Variants in CNOT2 observed in about 807,000 individuals in gnomAD.
The protein encoded by CNOT2 is CCR4-NOT transcription complex subunit 2.
CNOT2 carries 7 observed loss-of-function variants against 72.1 expected under a neutral mutation model. The observed-to-expected ratio is 0.10, with a 90% CI of 0.06 to 0.18. The LOEUF is 0.18. Among genes scored for constraint, CNOT2 ranks in the 10% least tolerant of loss-of-function variants. The pLI is 1.00. For missense variants in CNOT2, 345 were observed against 660.3 expected (o/e 0.52, Z 5.23); for synonymous variants, 196 against 225.6 (o/e 0.87, Z 1.17).
intron 3 of CNOT2, among the ~76,000 whole-genome samples, chr12:70,311,975 A>T (rs1257816847): frequency 6.6e-6 from 1 of 151,872 alleles, no homozygotes; most frequent in African/African-American, 2.4e-5. Context: ...AGCTTAACCT[A>T]CTAGGTTTAT....
At chr12:70,265,320 C>CTTCTCTTCTCTT (rs1555188208) in intron 1 of CNOT2, among the ~76,000 whole-genome samples, 3 of 145,664 alleles carry the variant, frequency 2.1e-5, no homozygotes, top group African/African-American at 7.5e-5. Context: ...CTTCTCTTCT[C>CTTCTCTTCTCTT]TTCTCTTTCT....
rs371846304 is a variant in CNOT2 at position 70,327,235 on chromosome 12, G to A, written c.239-2188G>A. The stretch of plus-strand genomic sequence containing the variant: ...GAAAAGTAAAGGAAAAGTAGAACAA[G>A]AAGAAAGAAAACTGATAGGTATGAC... On this transcript the variant is annotated intron_variant, in intron 4 of 15. Transcript: ENST00000229195. 4.6e-5 allele frequency among the ~76,000 whole-genome samples: 7 copies of A among 151,810 alleles called. No homozygotes were observed. In the South Asian group the frequency reaches 8.3e-4, roughly 18 times the overall value.
intron 1 of CNOT2, among the ~76,000 whole-genome samples, chr12:70,272,484 A>G (rs530009336): frequency 6.6e-6 from 1 of 152,358 alleles, no homozygotes; most frequent in East Asian, 1.9e-4. Context: ...ACACAAAGAA[A>G]GGCAATATGG....
chr12:70,297,445 C>T (rs568373264), intron 2 of CNOT2, among the ~76,000 whole-genome samples: 1 of 152,296 alleles, frequency 6.6e-6, no homozygotes, highest in African/African-American at 2.4e-5. Flanking sequence ...AGCAGTAAAA[C>T]TCCTCCCTAC....
chr12:70,320,524 C>T (rs554933183), intron 4 of CNOT2, among the ~76,000 whole-genome samples: 208 of 151,640 alleles, frequency 1.4e-3, no homozygotes, highest in Admixed American at 3.2e-3. Flanking sequence ...AACCAAGAAA[C>T]GTATTTCCAA....
chr12:70,289,945 G>C (rs964639258), intron 2 of CNOT2, among the ~76,000 whole-genome samples: 2 of 151,848 alleles, frequency 1.3e-5, no homozygotes, highest in African/African-American at 4.8e-5. Context: ...TATAATGTTT[G>C]TATTTCTGTT....
intron 1 of CNOT2, 49 bp from the exon 2 acceptor site, chr12:70,278,083 A>G: frequency 3.7e-6 from 2 of 546,898 alleles, no homozygotes; most frequent in Non-Finnish European, 6.7e-6. Context: ...TGCTGTTGAT[A>G]TATTTACATG....
intron 2 of CNOT2, among the ~76,000 whole-genome samples, chr12:70,308,584 T>TCTCTCTCTCTCTCTCTCTCACACA (rs550679130): frequency 4.5e-5 from 6 of 133,326 alleles, no homozygotes; most frequent in African/African-American, 1.7e-4. Flanking sequence ...TCTCTCTCTC[T>TCTCTCTCTCTCTCTCTCTCACACA]CACACACACA....
chr12:70,251,341 A>G (rs1416307254), intron 1 of CNOT2, among the ~76,000 whole-genome samples: 1 of 152,038 alleles, frequency 6.6e-6, no homozygotes, highest in African/African-American at 2.4e-5. Flanking sequence ...TTTGTAGTTA[A>G]CTAGGTGGGG....
chr12:70,335,634 G>A, intron 8 of CNOT2, 71 bp downstream of exon 8: 2 of 1,138,928 alleles, frequency 1.8e-6, no homozygotes, highest in Non-Finnish European at 2.6e-6. Flanking sequence ...ACATTTACAT[G>A]TACGTATACA....
At chr12:70,330,161 A>G (rs1002800475) in intron 5 of CNOT2, 126 bp from the exon 6 acceptor site, 39 of 513,246 alleles carry the variant, frequency 7.6e-5, no homozygotes, top group Non-Finnish European at 1.3e-4. Flanking sequence ...TAAAGAATTA[A>G]TAAAAATTAG....
At chr12:70,298,673 T>G (rs897837256) in intron 2 of CNOT2, among the ~76,000 whole-genome samples, 1 of 151,506 alleles carries the variant, frequency 6.6e-6, no homozygotes, top group Non-Finnish European at 1.5e-5. Context: ...GTGTGAAAGT[T>G]TCAAAGAATG....
chr12:70,330,577 T>A, intron 6 of CNOT2, 108 bp downstream of exon 6: 1 of 598,194 alleles, frequency 1.7e-6, no homozygotes, highest in Non-Finnish European at 2.9e-6. Context: ...CTAATAAGTG[T>A]GTTTCATCAT....
At chr12:70,346,372 G>A (rs762464480) in intron 15 of CNOT2, 48 bp downstream of exon 15, 2 of 1,492,018 alleles carry the variant, frequency 1.3e-6, no homozygotes, top group African/African-American at 2.8e-5. Flanking sequence ...CTTGAAAAAA[G>A]AAGTGTCCTC....
intron 2 of CNOT2, among the ~76,000 whole-genome samples, chr12:70,278,901 G>C (rs1392339518): frequency 6.6e-6 from 1 of 152,090 alleles, no homozygotes; most frequent in Non-Finnish European, 1.5e-5. Flanking sequence ...AAAAGAAGGT[G>C]AATTTTAAAG....
chr12:70,246,741 CT>C (rs1957893257), intron 1 of CNOT2, among the ~76,000 whole-genome samples: 1 of 152,100 alleles, frequency 6.6e-6, no homozygotes, highest in African/African-American at 2.4e-5. Flanking sequence ...GTTTGACATC[CT>C]TTGATTTCTA....
chr12:70,325,434 T>TA (rs895983396), intron 4 of CNOT2, among the ~76,000 whole-genome samples: 2 of 151,762 alleles, frequency 1.3e-5, no homozygotes, highest in Non-Finnish European at 1.5e-5. Context: ...TAACTACCAT[T>TA]AAAAAATGGA....
chr12:70,330,561 TTC>T (rs2136025391), intron 6 of CNOT2, 92 bp downstream of exon 6: 1 of 756,664 alleles, frequency 1.3e-6, no homozygotes, highest in South Asian at 2.2e-5. Context: ...GAGGTGTGGC[TTC>T]TCTCTAATAA....
chr12:70,297,234 C>T (rs187314700), intron 2 of CNOT2, among the ~76,000 whole-genome samples: 1 of 152,312 alleles, frequency 6.6e-6, no homozygotes, highest in African/African-American at 2.4e-5. Flanking sequence ...CTAAATTACT[C>T]AGATCTCCAT....
Sources: allele counts gnomAD v4.1 joint callset (sites outside exome capture counted in the v4.1 genomes callset), GRCh38; gene constraint gnomAD v4.1.1; transcripts MANE v1.5; gene names NCBI Gene and HGNC (gene_info 2026-07-23, HGNC 2026-07-21).